The following STK39 variants were observed in gnomAD, a reference collection of about 807,000 sequenced individuals.
The protein encoded by STK39 is STE20/SPS1-related proline-alanine-rich protein kinase.
In STK39, 20 loss-of-function variants were observed where a neutral mutation model predicts 77.8. That is an observed-to-expected ratio of 0.26 (90% CI 0.18 to 0.37). The LOEUF is 0.37. STK39 is among the 10% of genes least tolerant of loss of function. The probability of loss-of-function intolerance (pLI) is 1.00; values close to 1 mark genes in which losing one functional copy is unlikely to be tolerated. For missense variants in STK39, 479 were observed against 656.5 expected (o/e 0.73, Z 2.95); for synonymous variants, 246 against 234.1 (o/e 1.05, Z -0.47).
At chr2:168,246,758 G>A (rs1186030582) in intron 1 of STK39, among the ~76,000 whole-genome samples, 2 of 152,130 alleles carry the variant, frequency 1.3e-5, no homozygotes, top group Admixed American at 1.3e-4. Context: ...GGAGGCAGAG[G>A]AGCGGCTGCG....
At chr2:168,152,588 T>C (rs1174981758) in intron 5 of STK39, among the ~76,000 whole-genome samples, 1 of 152,006 alleles carries the variant, frequency 6.6e-6, no homozygotes. Flanking sequence ...TCTGAGGAGA[T>C]TTGAGAGTGA....
chr2:168,071,037 G>A (rs1234649218), intron 12 of STK39, among the ~76,000 whole-genome samples: 1 of 152,054 alleles, frequency 6.6e-6, no homozygotes, highest in African/African-American at 2.4e-5. Context: ...GATTAATACT[G>A]TAATACTTGG....
intron 8 of STK39, among the ~76,000 whole-genome samples, chr2:168,136,466 G>C (rs1453653056): frequency 6.6e-6 from 1 of 151,476 alleles, no homozygotes; most frequent in Non-Finnish European, 1.5e-5. Flanking sequence ...ATCTCCTAAA[G>C]AAATACACTA....
At chr2:168,093,437 T>C (rs1226529068) in intron 10 of STK39, among the ~76,000 whole-genome samples, 1 of 152,158 alleles carries the variant, frequency 6.6e-6, no homozygotes, top group Non-Finnish European at 1.5e-5. Context: ...CTGCCCTTTA[T>C]AAAACCATCA....
intron 14 of STK39, among the ~76,000 whole-genome samples, chr2:168,056,882 C>A (rs1335327791): frequency 6.6e-6 from 1 of 152,090 alleles, no homozygotes; most frequent in East Asian, 1.9e-4. Context: ...TGTTCAGGCC[C>A]AGAGATGATG....
rs1472579147 is a variant in STK39, at chr2:168,105,909, C to A, written c.1089+23632G>T. On this transcript the variant is annotated intron_variant, in intron 10 of 17. Coordinates refer to ENST00000355999, the MANE Select transcript of STK39 (RefSeq NM_013233.3). ...AGAACAATGAGGGTTTCATTTAAGGCAGGGTTACCTTGCAGTCCTAGTGTA... is the reference window on the plus strand; with the variant it reads ...AGAACAATGAGGGTTTCATTTAAGGAAGGGTTACCTTGCAGTCCTAGTGTA... Among the ~76,000 whole-genome samples the A allele has an allele frequency of 4.6e-5, 7 of 152,190 alleles. 1 individual carries two copies. Among genetic ancestry groups the A allele is most frequent in the Admixed American group, 3.9e-4 (6 of 15,276 alleles).
intron 1 of STK39, among the ~76,000 whole-genome samples, chr2:168,193,974 C>T (rs891897946): frequency 6.6e-6 from 1 of 152,116 alleles, no homozygotes; most frequent in Non-Finnish European, 1.5e-5. Context: ...GAAAGGAGGC[C>T]TGAAGCATGG....
At chr2:167,961,237 T>C (rs962999009) in intron 17 of STK39, among the ~76,000 whole-genome samples, 1 of 152,250 alleles carries the variant, frequency 6.6e-6, no homozygotes, top group African/African-American at 2.4e-5. Flanking sequence ...CCTCCAATTA[T>C]GCAGAAGCTA....
intron 1 of STK39, among the ~76,000 whole-genome samples, chr2:168,187,504 T>C (rs998143727): frequency 6.6e-6 from 1 of 152,232 alleles, no homozygotes; most frequent in African/African-American, 2.4e-5. Flanking sequence ...GCAATAATGC[T>C]ACTTCACTCA....
intron 14 of STK39, among the ~76,000 whole-genome samples, chr2:168,033,118 T>C (rs557148723): frequency 6.6e-6 from 1 of 152,182 alleles, no homozygotes; most frequent in South Asian, 2.1e-4. Context: ...TTGAACTGAA[T>C]CAAGGGATAC....
intron 16 of STK39, among the ~76,000 whole-genome samples, chr2:167,967,089 C>T (rs1692178361): frequency 6.6e-6 from 1 of 152,166 alleles, no homozygotes; most frequent in East Asian, 1.9e-4. Flanking sequence ...TTTAGAGCTG[C>T]CTGAGCCTGT....
chr2:168,068,847 T>C (rs1266055117), intron 12 of STK39, among the ~76,000 whole-genome samples: 4 of 152,182 alleles, frequency 2.6e-5, no homozygotes, highest in African/African-American at 4.8e-5. Flanking sequence ...AATCTCTCTC[T>C]CCATCTCCAT....
At chr2:168,179,810 C>T (rs1167403147) in intron 2 of STK39, among the ~76,000 whole-genome samples, 7 of 152,112 alleles carry the variant, frequency 4.6e-5, no homozygotes, top group Admixed American at 4.6e-4. Flanking sequence ...CCCTGCTGAC[C>T]TCCACCCAGA....
chr2:168,182,170 A>G, intron 1 of STK39, 80 bp from the exon 2 acceptor site: 1 of 1,181,322 alleles, frequency 8.5e-7, no homozygotes, highest in Non-Finnish European at 1.3e-6. Context: ...CCTAAAGATC[A>G]ATTTTTTTAA....
rs142783985 is a variant in STK39 at position 168,161,255 on chromosome 2, G to C, written c.628+532C>G. On this transcript the variant is annotated intron_variant, in intron 5 of 17. Transcript: ENST00000355999. ...CAAAATAGAGGCTTTGAACACGAAA[G>C]GTGCTCACCTGATATTGTGTGTTCA... Among the ~76,000 whole-genome samples, 925 of 152,254 alleles carry C rather than the reference G, an allele frequency of 6.1e-3. 7 individuals are homozygous for C. The highest frequency in any genetic ancestry group is 0.02 in the African/African-American group (850 of 41,526).
At chr2:168,203,369 T>C (rs1403876660) in intron 1 of STK39, among the ~76,000 whole-genome samples, 1 of 151,604 alleles carries the variant, frequency 6.6e-6, no homozygotes, top group African/African-American at 2.4e-5. Context: ...TGGAAGAACA[T>C]GGATTATCCA....
chr2:168,068,805 G>A (rs918505215), intron 12 of STK39, among the ~76,000 whole-genome samples: 1 of 152,174 alleles, frequency 6.6e-6, no homozygotes, highest in Non-Finnish European at 1.5e-5. Context: ...GATGGCTAAG[G>A]ATAACCATAA....
intron 14 of STK39, among the ~76,000 whole-genome samples, chr2:168,038,540 C>G (rs534585962): frequency 2.7e-4 from 41 of 150,854 alleles, no homozygotes; most frequent in African/African-American, 9.5e-4. Flanking sequence ...AAATAGTATA[C>G]AAGAAAATAC....
intron 16 of STK39, among the ~76,000 whole-genome samples, chr2:168,010,289 ACTGTTCTATTTCTT>A (rs1309768896): frequency 2.0e-5 from 3 of 152,194 alleles, no homozygotes; most frequent in Admixed American, 2.0e-4. Flanking sequence ...CCATTAATTA[ACTGTTCTATTTCTT>A]CTGGTAAACT....
Sources: allele counts gnomAD v4.1 joint callset (sites outside exome capture counted in the v4.1 genomes callset), GRCh38; gene constraint gnomAD v4.1.1; transcripts MANE v1.5; gene names NCBI Gene and HGNC (gene_info 2026-07-23, HGNC 2026-07-21).